Variants in LDB2 observed in about 807,000 individuals in gnomAD.
LDB2 encodes the protein LIM domain binding 2.
A neutral mutation model predicts 44.3 loss-of-function variants in LDB2; 12 were observed. The observed-to-expected ratio is 0.27, with a 90% CI of 0.17 to 0.44. The LOEUF is 0.44. LDB2 is among the 20% of genes least tolerant of loss of function. The pLI is 1.00. For synonymous variants in LDB2, 164 were observed against 174.8 expected (o/e 0.94, Z 0.49); for missense variants, 344 against 473.5 (o/e 0.73, Z 2.54).
chr4:16,851,811 AG>A (rs1038716741), intron 1 of LDB2, among the ~76,000 whole-genome samples: 11 of 152,278 alleles, frequency 7.2e-5, no homozygotes, highest in East Asian at 3.9e-4. Flanking sequence ...TGGTTTAGGA[AG>A]GCAGGAGAGA....
chr4:16,767,452 C>T (rs776106233), intron 1 of LDB2, among the ~76,000 whole-genome samples: 31 of 152,148 alleles, frequency 2.0e-4, no homozygotes, highest in Non-Finnish European at 3.2e-4. Flanking sequence ...ACCAAATGCC[C>T]GAACTCATGT....
intron 5 of LDB2, among the ~76,000 whole-genome samples, chr4:16,562,175 T>C (rs1742608666): frequency 6.6e-6 from 1 of 152,102 alleles, no homozygotes; most frequent in Non-Finnish European, 1.5e-5. Flanking sequence ...ACTTCATGTC[T>C]AAAACACCAA....
In LDB2 at chr4:16,716,727, G is replaced by A. The variant is rs76752786; in HGVS notation, c.235+42431C>T. Among the ~76,000 whole-genome samples the A allele has an allele frequency of 1.0e-2, 1,518 of 152,058 alleles. 31 individuals carry two copies. The highest frequency in any genetic ancestry group is 0.035 in the African/African-American group (1,439 of 41,468). On this transcript the variant is annotated intron_variant, in intron 2 of 7. Transcript: ENST00000304523. ...ATTTCTCCCTGTCCCATCCCATACC[G>A]TACCCTAGAATTTCTCAGAACATGG...
chr4:16,735,378 A>G (rs1761679130), intron 2 of LDB2, among the ~76,000 whole-genome samples: 1 of 152,036 alleles, frequency 6.6e-6, no homozygotes, highest in Admixed American at 6.6e-5. Context: ...CAAATCAATG[A>G]CTATATAAAT....
At chr4:16,680,098 G>T (rs1747431871) in intron 2 of LDB2, among the ~76,000 whole-genome samples, 1 of 152,090 alleles carries the variant, frequency 6.6e-6, no homozygotes, top group Non-Finnish European at 1.5e-5. Flanking sequence ...TCGTGAATAG[G>T]ATTAGTGCCC....
intron 2 of LDB2, among the ~76,000 whole-genome samples, chr4:16,737,726 C>T (rs1762190940): frequency 6.6e-6 from 1 of 152,076 alleles, no homozygotes; most frequent in Non-Finnish European, 1.5e-5. Context: ...GTAAAGAAAA[C>T]ATATAAACTT....
intron 1 of LDB2, among the ~76,000 whole-genome samples, chr4:16,837,463 C>T (rs982725192): frequency 6.6e-6 from 1 of 152,178 alleles, no homozygotes; most frequent in Admixed American, 6.5e-5. Flanking sequence ...TCTCTTCCCA[C>T]GTTGACTCTG....
At chr4:16,820,048 C>G (rs1175844277) in intron 1 of LDB2, among the ~76,000 whole-genome samples, 3 of 152,132 alleles carry the variant, frequency 2.0e-5, no homozygotes, top group Non-Finnish European at 4.4e-5. Flanking sequence ...GTACTTTATG[C>G]TGCAAAATAT....
chr4:16,692,520 T>C (rs1560899784), intron 2 of LDB2, among the ~76,000 whole-genome samples: 1 of 152,142 alleles, frequency 6.6e-6, no homozygotes, highest in African/African-American at 2.4e-5. Context: ...ATATCAGTCA[T>C]ACAAGTTTAA....
intron 2 of LDB2, among the ~76,000 whole-genome samples, chr4:16,708,748 C>T (rs1478274504): frequency 6.6e-5 from 10 of 151,840 alleles, no homozygotes; most frequent in Admixed American, 6.6e-4. Flanking sequence ...AGTACAAAGA[C>T]CTATAAGAAC....
intron 2 of LDB2, chr4:16,726,549 T>C (rs1298126943): frequency 6.6e-6 from 1 of 152,230 alleles, no homozygotes; most frequent in African/African-American, 2.4e-5. Flanking sequence ...CAAATGAGTA[T>C]GTGGAGTTCA....
At chr4:16,544,436 A>G (rs993089930) in intron 5 of LDB2, among the ~76,000 whole-genome samples, 5 of 152,178 alleles carry the variant, frequency 3.3e-5, no homozygotes, top group African/African-American at 1.2e-4. Flanking sequence ...CTGTGAGATG[A>G]CAAAACCCTG....
chr4:16,843,039 A>AT (rs926125803), intron 1 of LDB2, among the ~76,000 whole-genome samples: 33 of 152,142 alleles, frequency 2.2e-4, no homozygotes, highest in Middle Eastern at 6.8e-3. Flanking sequence ...CCACGCAGCC[A>AT]TTTTTTTTGT....
chr4:16,635,146 TGGGGAGCAA>T (rs558857451), intron 2 of LDB2, among the ~76,000 whole-genome samples: 43 of 151,238 alleles, frequency 2.8e-4, no homozygotes, highest in African/African-American at 1.0e-3. Context: ...TGTCAGGGGG[TGGGGAGCAA>T]GGGGAGGGAT....
At chr4:16,670,111 C>A (rs1398683950) in intron 2 of LDB2, among the ~76,000 whole-genome samples, 2 of 152,150 alleles carry the variant, frequency 1.3e-5, no homozygotes, top group Non-Finnish European at 2.9e-5. Flanking sequence ...TGATCTAAAT[C>A]ATTGATGAAG....
chr4:16,566,060 T>G (rs1308848981), intron 5 of LDB2, among the ~76,000 whole-genome samples: 4 of 151,898 alleles, frequency 2.6e-5, no homozygotes, highest in Non-Finnish European at 5.9e-5. Context: ...GGAGAAGCTA[T>G]CCAAGATTTT....
intron 1 of LDB2, among the ~76,000 whole-genome samples, chr4:16,770,543 T>C (rs991744358): frequency 2.0e-5 from 3 of 151,956 alleles, no homozygotes; most frequent in Admixed American, 1.3e-4. Flanking sequence ...CTTATCCCAA[T>C]GTCAGTGGGG....
intron 2 of LDB2, among the ~76,000 whole-genome samples, chr4:16,747,674 C>A (rs1299312835): frequency 2.0e-5 from 3 of 152,046 alleles, no homozygotes; most frequent in Non-Finnish European, 2.9e-5. Context: ...TAACTTTAAT[C>A]TTTTTTTCAA....
chr4:16,532,218 A>G (rs570911544), intron 5 of LDB2, among the ~76,000 whole-genome samples: 35 of 152,270 alleles, frequency 2.3e-4, no homozygotes, highest in African/African-American at 6.7e-4. Context: ...AGGCACCACA[A>G]TGTTTTCTTC....
Sources: gnomAD v4.1 joint callset for allele counts (sites outside exome capture counted in the v4.1 genomes callset) on GRCh38, gnomAD v4.1.1 for gene constraint, MANE v1.5 for transcripts, NCBI Gene and HGNC (gene_info 2026-07-23, HGNC 2026-07-21) for gene names.